Variants in GRIA3 observed in about 807,000 individuals in gnomAD.
The protein encoded by GRIA3 is glutamate ionotropic receptor AMPA type subunit 3, also known as glutamate receptor 3.
In GRIA3, 3 loss-of-function variants were observed where a neutral mutation model predicts 63.0. The ratio of observed to expected loss-of-function variants is 0.05; its 90% CI spans 0.02 to 0.12. The LOEUF (loss-of-function observed/expected upper bound fraction) is 0.12, where lower values mean the gene tolerates loss of function less well. Ranked by LOEUF, GRIA3 falls within the 10% of genes least tolerant of loss-of-function variation. The pLI, the probability that GRIA3 is intolerant of heterozygous loss-of-function variation, is 1.00. For synonymous variants in GRIA3, 274 were observed against 257.9 expected, an observed-to-expected ratio of 1.06 and a Z score of -0.60; for missense variants, 347 against 700.9, an observed-to-expected ratio of 0.50 and a Z score of 5.70.
intron 4 of GRIA3, among the ~76,000 whole-genome samples, chrX:123,353,851 T>G (rs2045115056): frequency 8.9e-6 from 1 of 111,949 alleles, no homozygotes; most frequent in South Asian, 3.7e-4. Flanking sequence ...TGTAGTACTT[T>G]GTACACAGTC....
chrX:123,286,057 TAACA>T (rs1188851768), intron 3 of GRIA3, among the ~76,000 whole-genome samples: 1 of 111,887 alleles, frequency 8.9e-6, no homozygotes, highest in African/African-American at 3.3e-5. Flanking sequence ...ACAGAAATCA[TAACA>T]AACAGTCTCT....
chrX:123,195,934 A>G (rs1395246039), intron 2 of GRIA3, among the ~76,000 whole-genome samples: 1 of 111,678 alleles, frequency 9.0e-6, no homozygotes, highest in African/African-American at 3.3e-5. Flanking sequence ...GTAGCTTTTC[A>G]TGACTGAGTG....
At chrX:123,464,722 T>C (rs2045825606) in intron 12 of GRIA3, 143 bp from the exon 13 acceptor site, 2 of 500,614 alleles carry the variant, frequency 4.0e-6, no homozygotes, top group Non-Finnish European at 6.9e-6. Flanking sequence ...AATGTTTACG[T>C]ATGTATGAAC....
Position 123,489,793 on chromosome X carries a change from T to C in GRIA3, c.*1083T>C, listed in dbSNP as rs926821528. On this transcript the variant is annotated 3_prime_UTR_variant, in exon 16 of 16. Coordinates refer to ENST00000620443, the MANE Select transcript of GRIA3 (RefSeq NM_007325.5). ...CGGGACAGCAGGTTCAGACCACAGT[T>C]CTCAGTCTGACTTTACTCTTGCTAG... 3.6e-5 allele frequency: 4 copies of C among 112,260 alleles called. No homozygotes were observed. Among genetic ancestry groups the C allele is most frequent in the African/African-American group, 1.3e-4 (4 of 30,798 alleles). 9.3% of individuals were successfully genotyped at this position (112,260 alleles called of 1,213,427 possible).
intron 12 of GRIA3, among the ~76,000 whole-genome samples, chrX:123,436,311 TTTTG>T (rs951165206): frequency 1.3e-4 from 14 of 111,748 alleles, no homozygotes; most frequent in East Asian, 2.8e-4. Flanking sequence ...TGTTTTTTGT[TTTTG>T]TTTGTTTGTT....
chrX:123,431,723 TTC>T lies in GRIA3; in HGVS notation c.2076+3590_2076+3591del, dbSNP rs766871596. Among the ~76,000 whole-genome samples, 75 of 112,380 alleles carry T rather than the reference TTC, an allele frequency of 6.7e-4. No homozygotes were observed. In the Middle Eastern group the frequency reaches 0.018, roughly 27 times the overall value. On this transcript the variant is annotated intron_variant, in intron 12 of 15. Coordinates refer to ENST00000620443, the MANE Select transcript of GRIA3 (RefSeq NM_007325.5). ...ACTGGAAGAAAAAGTAATTCCAAAG[TTC>T]TCTCTGCCTGCAGACCTTTAAAAGT...
intron 3 of GRIA3, among the ~76,000 whole-genome samples, chrX:123,269,471 T>C (rs2044507610): frequency 1.8e-5 from 2 of 112,047 alleles, no homozygotes; most frequent in African/African-American, 6.5e-5. Flanking sequence ...CCCTAGCTGA[T>C]GTCTCCCATG....
intron 4 of GRIA3, among the ~76,000 whole-genome samples, chrX:123,328,799 AT>A (rs1475685081): frequency 8.9e-6 from 1 of 112,053 alleles, no homozygotes; most frequent in Non-Finnish European, 1.9e-5. Context: ...TAAAGTACAC[AT>A]TTTCTCAAAG....
chrX:123,374,993 G>T (rs1311677917), intron 5 of GRIA3, among the ~76,000 whole-genome samples: 4 of 111,334 alleles, frequency 3.6e-5, no homozygotes, highest in Non-Finnish European at 5.7e-5. Flanking sequence ...ATGAAAGTGG[G>T]CATCCTTGTC....
intron 3 of GRIA3, among the ~76,000 whole-genome samples, chrX:123,280,530 C>T (rs971785192): frequency 4.5e-5 from 5 of 111,999 alleles, no homozygotes; most frequent in African/African-American, 1.6e-4. Flanking sequence ...GGTTTAGCTG[C>T]AACTACAAGA....
At chrX:123,404,413 T>C (rs2045460193) in intron 9 of GRIA3, among the ~76,000 whole-genome samples, 1 of 108,673 alleles carries the variant, frequency 9.2e-6, no homozygotes, top group South Asian at 4.1e-4. Flanking sequence ...CCAAATTTGA[T>C]GAAATCAAAG....
intron 3 of GRIA3, among the ~76,000 whole-genome samples, chrX:123,323,709 G>A (rs1481371378): frequency 9.0e-6 from 1 of 111,606 alleles, no homozygotes; most frequent in Non-Finnish European, 1.9e-5. Flanking sequence ...AGGGAGAAGT[G>A]GGGACTGGAA....
chrX:123,411,075 T>C (rs1447139228), intron 10 of GRIA3, among the ~76,000 whole-genome samples: 1 of 111,724 alleles, frequency 9.0e-6, no homozygotes, highest in Non-Finnish European at 1.9e-5. Context: ...GTACTGCCAA[T>C]AAATCAGTTT....
chrX:123,482,633 C>T, intron 14 of GRIA3, 166 bp from the exon 15 acceptor site: 3 of 547,706 alleles, frequency 5.5e-6, no homozygotes, highest in East Asian at 3.3e-5. Flanking sequence ...TACCGTCTTG[C>T]TGGTCATTGC....
intron 1 of GRIA3, chrX:123,185,051 G>A (rs1481836563): frequency 9.2e-6 from 3 of 327,220 alleles, no homozygotes; most frequent in African/African-American, 7.9e-5. Flanking sequence ...CTGTCTGGCC[G>A]CGCCAGGGCG....
intron 12 of GRIA3, among the ~76,000 whole-genome samples, chrX:123,430,650 C>T (rs1394285244): frequency 1.8e-5 from 2 of 110,721 alleles, no homozygotes; most frequent in African/African-American, 6.6e-5. Context: ...GTCACTTCCC[C>T]TTCATTCTTC....
intron 4 of GRIA3, among the ~76,000 whole-genome samples, chrX:123,351,569 C>T (rs184929371): frequency 8.9e-6 from 1 of 111,745 alleles, no homozygotes; most frequent in East Asian, 2.8e-4. Context: ...AGGGAACATC[C>T]ATGATTATAC....
At chrX:123,317,262 G>A (rs1449786917) in intron 3 of GRIA3, among the ~76,000 whole-genome samples, 2 of 109,282 alleles carry the variant, frequency 1.8e-5, no homozygotes, top group Non-Finnish European at 3.8e-5. Flanking sequence ...ATTTGGGTGG[G>A]GACACAGCCA....
At chrX:123,322,272 C>T (rs1298936241) in intron 3 of GRIA3, among the ~76,000 whole-genome samples, 1 of 112,203 alleles carries the variant, frequency 8.9e-6, no homozygotes. Flanking sequence ...AGATGACAAT[C>T]TAGCATTCAC....
Sources: allele counts gnomAD v4.1 joint callset (sites outside exome capture counted in the v4.1 genomes callset), GRCh38; gene constraint gnomAD v4.1.1; transcripts MANE v1.5; gene names NCBI Gene and HGNC (gene_info 2026-07-23, HGNC 2026-07-21).